C4orf50: variants seen among roughly 807,000 people sequenced by gnomAD.
C4orf50 encodes the protein chromosome 4 open reading frame 50.
In C4orf50, 80 loss-of-function variants were observed where a neutral mutation model predicts 77.2. The observed-to-expected ratio is 1.04, with a 90% CI of 0.87 to 1.25. The LOEUF is 1.25. Ranked by LOEUF, C4orf50 falls within the 50% of genes most tolerant of loss-of-function variation. The pLI is 0.00. For synonymous variants in C4orf50, 532 were observed against 465.3 expected (o/e 1.14, Z -1.84); for missense variants, 1,257 against 1,152.9 (o/e 1.09, Z -1.31).
chr4:5,935,784 T>TGAAAAAAAAAAA (rs1717982780), intron 7 of C4orf50, among the ~76,000 whole-genome samples: 1 of 31,478 alleles, frequency 3.2e-5, no homozygotes, highest in Non-Finnish European at 7.9e-5. Context: ...AGACTCCGTC[T>TGAAAAAAAAAAA]AAAAAAAAAA....
Position 6,000,591 on chromosome 4 carries a change from C to T in C4orf50, c.964-6115G>A, listed in dbSNP as rs950075332. ...ACCAGGGTCCTCCCCCAGTGACCCACGGACTCCACAGGGCTCATTTCCTTG... is the reference window on the plus strand; with the variant it reads ...ACCAGGGTCCTCCCCCAGTGACCCATGGACTCCACAGGGCTCATTTCCTTG... On this transcript the variant is annotated intron_variant, in intron 25 of 33. Coordinates refer to ENST00000531445, the Ensembl canonical transcript of C4orf50. The surrounding 1 kb of genome is among the most constrained non-coding windows in gnomAD (Gnocchi z 6.0). Among the ~76,000 whole-genome samples the T allele has an allele frequency of 2.6e-5, 4 of 152,122 alleles. No individual in the cohort carries two copies. Among genetic ancestry groups the T allele is most frequent in the South Asian group, 4.1e-4 (2 of 4,822 alleles).
intron 7 of C4orf50, among the ~76,000 whole-genome samples, chr4:5,941,641 C>T (rs991481667): frequency 7.2e-5 from 11 of 152,208 alleles, no homozygotes; most frequent in Admixed American, 1.3e-4. Context: ...ACAGAAGACA[C>T]GGCTTCTGCT....
intron 28 of C4orf50, among the ~76,000 whole-genome samples, chr4:5,985,804 C>T (rs1189124942): frequency 6.6e-6 from 1 of 151,962 alleles, no homozygotes; most frequent in Non-Finnish European, 1.5e-5. Flanking sequence ...CACATTTCTA[C>T]TAAAAAACAC....
intron 28 of C4orf50, among the ~76,000 whole-genome samples, chr4:5,986,891 C>T (rs901218897): frequency 6.6e-6 from 1 of 152,074 alleles, no homozygotes; most frequent in African/African-American, 2.4e-5. Context: ...ATATAAATTT[C>T]CTGGCACATA....
intron 7 of C4orf50, among the ~76,000 whole-genome samples, chr4:5,910,017 AT>A (rs944034605): frequency 2.0e-5 from 3 of 151,588 alleles, no homozygotes; most frequent in African/African-American, 7.3e-5. Flanking sequence ...GAATTCTAGA[AT>A]TTTTTTTTCT....
At chr4:5,979,372 T>C (rs561485404) in intron 29 of C4orf50, among the ~76,000 whole-genome samples, 4 of 152,346 alleles carry the variant, frequency 2.6e-5, no homozygotes, top group South Asian at 2.1e-4. Context: ...AAGGAATGAG[T>C]TCACTTTGCA....
intron 7 of C4orf50, among the ~76,000 whole-genome samples, chr4:5,921,810 G>T (rs755664786): frequency 6.6e-6 from 1 of 152,194 alleles, no homozygotes; most frequent in Non-Finnish European, 1.5e-5. Context: ...CCTTTCTAAA[G>T]AAAGAGCAGT....
rs1162896332 is a variant in C4orf50 at position 6,017,983 on chromosome 4, G to A, written c.287+162C>T. On this transcript the variant is annotated intron_variant, in intron 23 of 33. Transcript: ENST00000531445. The surrounding 1 kb of genome is among the most constrained non-coding windows in gnomAD (Gnocchi z 4.7). Reference sequence around the variant, plus strand: ...TGCAGGTACAGAGCAGAAGAAGGAGGGCGGGAGGAGCAGAAGGCAAGTGAC... The same window carrying A: ...TGCAGGTACAGAGCAGAAGAAGGAGAGCGGGAGGAGCAGAAGGCAAGTGAC... 2.6e-5 allele frequency among the ~76,000 whole-genome samples: 4 copies of A among 152,168 alleles called. No homozygotes were observed. The highest frequency in any genetic ancestry group is 5.9e-5 in the Non-Finnish European group (4 of 68,016).
At chr4:6,003,848 A>T (rs1260760033) in intron 25 of C4orf50, among the ~76,000 whole-genome samples, 7 of 89,850 alleles carry the variant, frequency 7.8e-5, no homozygotes, top group East Asian at 1.1e-3. Context: ...GATAGTGATG[A>T]TGGTGATGAT....
chr4:6,004,387 ATGG>A (rs200186717), intron 25 of C4orf50, among the ~76,000 whole-genome samples: 7,239 of 106,006 alleles, frequency 0.068, 784 homozygotes, highest in East Asian at 0.49. Context: ...GATGATGGTG[ATGG>A]TGGTGATGGT....
chr4:5,979,714 C>T (rs1392056964), intron 29 of C4orf50, among the ~76,000 whole-genome samples: 1 of 152,232 alleles, frequency 6.6e-6, no homozygotes, highest in African/African-American at 2.4e-5. Flanking sequence ...GAATATTTTG[C>T]AAAACTATAG....
rs548463127 is a variant in C4orf50 at position 6,008,517 on chromosome 4, C to G, written c.442G>C (p.Val148Leu). 3.3e-5 allele frequency: 13 copies of G among 398,042 alleles called. No individual in the cohort carries two copies. The South Asian group carries it at 3.8e-4, about 12-fold the overall frequency. 24.7% of individuals were successfully genotyped at this position (398,042 alleles called of 1,614,324 possible). A position where few individuals can be genotyped will look rare whatever the true frequency, so the allele number is the denominator to read the frequency against. ...AGCCGCCACTGCTGCCGCCTGGCCA[C>G]GCTCTCCTCCCGGATCTACAAGTTG... The change falls in exon 25 of 34, where the codon GTG becomes CTG. Residue 148 changes from valine to leucine, a missense_variant. Coordinates refer to ENST00000531445, the Ensembl canonical transcript of C4orf50. The surrounding 1 kb of genome is among the most constrained non-coding windows in gnomAD (Gnocchi z 6.0).
chr4:6,005,454 A>G (rs2108807257), intron 25 of C4orf50, among the ~76,000 whole-genome samples: 2 of 152,220 alleles, frequency 1.3e-5, no homozygotes, highest in Non-Finnish European at 2.9e-5. Flanking sequence ...AGCTTATGGC[A>G]TAGAATCTAC....
At chr4:6,004,012 T>TG (rs1722019957) in intron 25 of C4orf50, among the ~76,000 whole-genome samples, 3 of 130,130 alleles carry the variant, frequency 2.3e-5, no homozygotes, top group East Asian at 2.8e-4. Flanking sequence ...ATGGTGATGA[T>TG]GTGATGGTGA....
intron 7 of C4orf50, among the ~76,000 whole-genome samples, chr4:5,909,981 A>C (rs574102893): frequency 6.6e-6 from 1 of 152,176 alleles, no homozygotes; most frequent in South Asian, 2.1e-4. Context: ...TGTGTTAGCT[A>C]TTTGAGGTCT....
At chr4:5,912,372 G>C (rs887862668) in intron 7 of C4orf50, among the ~76,000 whole-genome samples, 2 of 152,054 alleles carry the variant, frequency 1.3e-5, no homozygotes, top group Non-Finnish European at 2.9e-5. Context: ...TTTTGCAAAT[G>C]TAATAGGAAA....
chr4:5,944,107 C>T (rs546881240), intron 7 of C4orf50, among the ~76,000 whole-genome samples: 89 of 152,286 alleles, frequency 5.8e-4, no homozygotes, highest in Admixed American at 1.8e-3. Context: ...AAAGCCCTGG[C>T]GAGGAAGTCA....
At chr4:6,014,955 C>T (rs1722628384) in intron 23 of C4orf50, among the ~76,000 whole-genome samples, 1 of 152,226 alleles carries the variant, frequency 6.6e-6, no homozygotes, top group African/African-American at 2.4e-5. Context: ...CTCTGTCTTT[C>T]CCTCCCCCAT....
At chr4:5,939,917 T>C (rs192743201) in intron 7 of C4orf50, among the ~76,000 whole-genome samples, 4 of 152,334 alleles carry the variant, frequency 2.6e-5, no homozygotes, top group Admixed American at 2.0e-4. Flanking sequence ...ACCGACAACA[T>C]GCAGAAAGGG....
Sources: gnomAD v4.1 joint callset for allele counts (sites outside exome capture counted in the v4.1 genomes callset) on GRCh38, gnomAD v4.1.1 for gene constraint, Gnocchi (gnomAD v3.1) non-coding constraint, MANE v1.5 for transcripts, NCBI Gene and HGNC (gene_info 2026-07-23, HGNC 2026-07-21) for gene names.